MICAL1: variants seen among roughly 807,000 people sequenced by gnomAD.
MICAL1 encodes microtubule associated monooxygenase, calponin and LIM domain containing 1, also known as [F-actin]-monooxygenase MICAL1.
MICAL1 carries 95 observed loss-of-function variants against 131.8 expected under a neutral mutation model. The ratio of observed to expected loss-of-function variants is 0.72; its 90% CI spans 0.61 to 0.86. The LOEUF is 0.86. Ranked by LOEUF, MICAL1 falls within the 40% of genes least tolerant of loss-of-function variation. The pLI is 0.00. For missense variants in MICAL1, 1,292 were observed against 1,380.6 expected (o/e 0.94, Z 1.02); for synonymous variants, 546 against 554.2 (o/e 0.99, Z 0.21).
chr6:109,453,989 G>A lies in MICAL1; in HGVS notation c.208C>T (p.Arg70Ter), dbSNP rs780884784. 9 of 1,614,082 alleles carry A rather than the reference G, an allele frequency of 5.6e-6. No homozygotes were observed. Among genetic ancestry groups the A allele is most frequent in the Non-Finnish European group, 6.8e-6 (8 of 1,180,036 alleles). The part of the protein sequence containing the change: ...AKSLWTKLDK[R>*]AGQPVYQQGR... ...TGCTGGTAGACAGGCTGGCCTGCTC[G>A]CTTGTCCAGCTTGGTCCACAGTGAC... The change falls in exon 2 of 25, where the codon CGA (arginine) becomes TGA (stop). Residue 70 changes from arginine to a stop codon, truncating the protein, a stop_gained. Coordinates refer to ENST00000358807, the MANE Select transcript of MICAL1 (RefSeq NM_022765.4). LOFTEE classifies it high-confidence loss of function.
In MICAL1 at chr6:109,446,299, G is replaced by T. The variant is rs755262248; in HGVS notation, c.2418C>A (p.Ile806=). 1 of 1,614,168 alleles carries T rather than the reference G, an allele frequency of 6.2e-7. No homozygotes were observed. Among genetic ancestry groups the T allele is most frequent in the Non-Finnish European group, 8.5e-7 (1 of 1,180,018 alleles). The change falls in exon 19 of 25, where the codon ATC becomes ATA. Residue 806 remains isoleucine, a synonymous_variant. Transcript: ENST00000358807. The stretch of plus-strand genomic sequence containing the variant: ...GCTGGCGCTCCGGGCTGGAGAGGCG[G>T]ATCTGCCGACGGGTGGGCTGGCTGG... ...PDPSQPTRRQ[I]RLSSPERQRL... is the part of the protein sequence containing the mutation.
In MICAL1 at chr6:109,445,252, C is replaced by G. The variant is rs761518634; in HGVS notation, c.2826G>C (p.Leu942Phe). 6.2e-7 allele frequency: 1 copy of G among 1,614,122 alleles called. No homozygotes were observed. The highest frequency in any genetic ancestry group is 8.5e-7 in the Non-Finnish European group (1 of 1,180,044). Residue 942 changes from leucine (L) to phenylalanine (F), a missense_variant, in exon 22 of 25, where the codon TTG (leucine) becomes TTC (phenylalanine). Leu to Phe is a conservative substitution (Grantham distance 22). Coordinates refer to ENST00000358807, the MANE Select transcript of MICAL1 (RefSeq NM_022765.4). ...QRRLNEIEAA[L>F]RELEAEGVKL... The stretch of plus-strand genomic sequence containing the variant: ...TCACGCCCTCGGCCTCTAGCTCCCT[C>G]AAGGCAGCCTCAATCTCATTTAGTC...
intron 5 of MICAL1, 53 bp downstream of exon 5, chr6:109,452,458 A>G (rs1775583451): frequency 6.2e-7 from 1 of 1,610,824 alleles, no homozygotes; most frequent in Non-Finnish European, 8.5e-7. Context: ...CAATCTAGAA[A>G]GGCCCAGGAT....
upstream of MICAL1, among the ~76,000 whole-genome samples, chr6:109,459,004 G>C (rs963143545): frequency 6.6e-6 from 1 of 152,160 alleles, no homozygotes; most frequent in African/African-American, 2.4e-5. Context: ...GAATCAGAGT[G>C]GGGGCAGACA....
At chr6:109,456,421 C>T (rs1389315805), upstream of MICAL1, among the ~76,000 whole-genome samples, 4 of 152,204 alleles carry the variant, frequency 2.6e-5, no homozygotes, top group African/African-American at 9.6e-5. Flanking sequence ...CCCCTAAGCC[C>T]GGGCCGAGGG....
In MICAL1 at chr6:109,455,723, G is replaced by T. The variant is rs1215439992; in HGVS notation, c.-48C>A. 1.0e-6 allele frequency: 1 copy of T among 983,676 alleles called. No homozygotes were observed. Among genetic ancestry groups the T allele is most frequent in the Non-Finnish European group, 1.2e-6 (1 of 829,578 alleles). 60.9% of individuals were successfully genotyped at this position (983,676 alleles called of 1,614,324 possible). On this transcript the variant is annotated 5_prime_UTR_variant, in exon 1 of 25. Transcript: ENST00000358807. This position sits in a 1 kb window ranked among gnomAD's most constrained non-coding sequence, Gnocchi z 4.7. ...CGGCTCCGCTGGACGACTTACCGGC[G>T]GCTCCGAAGCCGGGAGGGGCCGCTT...
At chr6:109,445,080 C>G (rs920833826) in intron 22 of MICAL1, 85 bp from the exon 23 acceptor site, 1 of 1,571,260 alleles carries the variant, frequency 6.4e-7, no homozygotes, top group East Asian at 2.2e-5. Context: ...GACAGGAGAG[C>G]CGGGTGTCAC....
rs2115338797 is a variant in MICAL1, at chr6:109,453,535, C to T, written c.466+103G>A. The T allele has an allele frequency of 9.9e-6, 15 of 1,510,894 alleles. No homozygotes were observed. In the South Asian group the frequency reaches 1.4e-4, roughly 14 times the overall value. 93.6% of individuals were successfully genotyped at this position (1,510,894 alleles called of 1,614,324 possible). Reference sequence around the variant, plus strand: ...AATCTTCAAGGTCACCTGGCTGATACGGATCTTGTCCACTTCGACATTTGG... The same window carrying T: ...AATCTTCAAGGTCACCTGGCTGATATGGATCTTGTCCACTTCGACATTTGG... On this transcript the variant is annotated intron_variant, in intron 3 of 24. Coordinates refer to ENST00000358807, the MANE Select transcript of MICAL1 (RefSeq NM_022765.4).
At position 109,453,288 on chromosome 6, in the gene MICAL1, A is replaced by G; in HGVS notation, c.546T>C (p.Thr182=). ...CCTTCCTAGGAGGGGGCTGGAGGCCAGTGAAAGTGACACCCCAGTGAATTT... is the reference window on the plus strand; with the variant it reads ...CCTTCCTAGGAGGGGGCTGGAGGCCGGTGAAAGTGACACCCCAGTGAATTT... ...GVEIHWGVTF[T]GLQPPPRKGS... The change falls in exon 4 of 25, where the codon ACT becomes ACC. Residue 182 remains threonine, a synonymous_variant. Coordinates refer to ENST00000358807, the MANE Select transcript of MICAL1 (RefSeq NM_022765.4). 6.2e-7 allele frequency: 1 copy of G among 1,614,036 alleles called. No individual in the cohort carries two copies. Among genetic ancestry groups the G allele is most frequent in the Non-Finnish European group, 8.5e-7 (1 of 1,179,938 alleles).
At chr6:109,456,229 C>T (rs1176130499), upstream of MICAL1, among the ~76,000 whole-genome samples, 1 of 152,204 alleles carries the variant, frequency 6.6e-6, no homozygotes, top group Non-Finnish European at 1.5e-5. Flanking sequence ...GGTCCGCTGG[C>T]AGCCTCCCAG....
chr6:109,446,084 G>A (rs1408120445), intron 19 of MICAL1, 52 bp downstream of exon 19: 1 of 1,518,788 alleles, frequency 6.6e-7, no homozygotes, highest in African/African-American at 1.4e-5. Flanking sequence ...CAGGAAGCCA[G>A]TGCTCCCACC....
At chr6:109,453,885 C>T (rs377021823) in intron 2 of MICAL1, 40 bp from the exon 3 acceptor site, 28 of 1,610,134 alleles carry the variant, frequency 1.7e-5, no homozygotes, top group East Asian at 1.1e-4. Context: ...GCATCCTGTC[C>T]GTCCTCTGAC....
chr6:109,448,895 G>A lies in MICAL1; in HGVS notation c.1517-16C>T, dbSNP rs372955920. The A allele has an allele frequency of 6.2e-6, 10 of 1,612,278 alleles. No homozygotes were observed. The East Asian group carries it at 1.1e-4, about 18-fold the overall frequency. ...CCTGCCGACCCTGGGAAAGAAGGCT[G>A]TGCTGTGCCCAAGGCCCCCTCTGCC... On this transcript the variant is annotated splice_polypyrimidine_tract_variant and intron_variant, in intron 11 of 24. Transcript: ENST00000358807.
At chr6:109,458,603 GA>G (rs1055146783), upstream of MICAL1, among the ~76,000 whole-genome samples, 4 of 151,572 alleles carry the variant, frequency 2.6e-5, no homozygotes, top group African/African-American at 9.7e-5. Flanking sequence ...TCCAAAAAAA[GA>G]AAAAAAGGAG....
Position 109,450,428 on chromosome 6 carries a change from C to T in MICAL1, c.1063G>A (p.Ala355Thr), listed in dbSNP as rs143552986. 142 of 1,613,488 alleles carry T rather than the reference C, an allele frequency of 8.8e-5. No individual in the cohort carries two copies. Among genetic ancestry groups the T allele is most frequent in the Non-Finnish European group, 1.1e-4 (134 of 1,180,002 alleles). ...GCAGAGACATCAGGCTGCCCATGGG[C>T]ATCCTGGGCAAACTCTAGTTTCCCG... ...KLGKLEFAQD[A>T]HGQPDVSAFD... Residue 355 changes from alanine to threonine, a missense_variant, in exon 8 of 25, where the codon GCC becomes ACC. Transcript: ENST00000358807.
At chr6:109,457,668 C>T (rs567519514), upstream of MICAL1, among the ~76,000 whole-genome samples, 25 of 152,314 alleles carry the variant, frequency 1.6e-4, no homozygotes, top group African/African-American at 5.1e-4. Context: ...ACAGCGGCTA[C>T]AACTAGCCGC....
In MICAL1 at chr6:109,453,946, C is replaced by A. The variant is rs141098491; in HGVS notation, c.251G>T (p.Ser84Ile). The change falls in exon 2 of 25, where the codon AGC becomes ATC. Residue 84 changes from serine to isoleucine, a missense_variant. Ser to Ile is a moderately radical substitution (Grantham distance 142). Coordinates refer to ENST00000358807, the MANE Select transcript of MICAL1 (RefSeq NM_022765.4). Reference sequence around the variant, plus strand: ...CAGGCACCGTGTATCCACCTTGGTGCTGGTGCAGGCCCGGCCCTGCTGGTA... The same window carrying A: ...CAGGCACCGTGTATCCACCTTGGTGATGGTGCAGGCCCGGCCCTGCTGGTA... ...PVYQQGRACTSTKCLVVGAGP... is the reference protein window; with the variant it reads ...PVYQQGRACTITKCLVVGAGP... The A allele has an allele frequency of 3.1e-4, 498 of 1,613,282 alleles. 2 individuals carry two copies. The highest frequency in any genetic ancestry group is 9.9e-4 in the Middle Eastern group (6 of 6,054).
At chr6:109,461,123 A>T (rs1272325294) in intron 1 of MICAL1, among the ~76,000 whole-genome samples, 1 of 124,810 alleles carries the variant, frequency 8.0e-6, no homozygotes, top group Non-Finnish European at 1.6e-5. Context: ...ACCCTATGAC[A>T]GGCCCTGGTA....
intron 3 of MICAL1, 40 bp from the exon 4 acceptor site, chr6:109,453,407 A>G (rs751150889): frequency 7.7e-5 from 122 of 1,594,622 alleles, no homozygotes; most frequent in Non-Finnish European, 8.6e-5. Flanking sequence ...ACCCTAGGGC[A>G]GCACAAGCTC....
Sources: gnomAD v4.1 joint callset for allele counts (sites outside exome capture counted in the v4.1 genomes callset) on GRCh38, gnomAD v4.1.1 for gene constraint, Gnocchi (gnomAD v3.1) non-coding constraint, MANE v1.5 for transcripts, NCBI Gene and HGNC (gene_info 2026-07-23, HGNC 2026-07-21) for gene names.